Variants in NAA11 observed in about 807,000 individuals in gnomAD.
The protein encoded by NAA11 is N-alpha-acetyltransferase 11, NatA catalytic subunit.
In NAA11, 15 loss-of-function variants were observed where a neutral mutation model predicts 16.1. The ratio of observed to expected loss-of-function variants is 0.93; its 90% CI spans 0.62 to 1.44. The LOEUF is 1.44. NAA11 is among the 40% of genes most tolerant of loss of function. The probability of loss-of-function intolerance (pLI) is 0.00; values close to 1 mark genes in which losing one functional copy is unlikely to be tolerated. For missense variants in NAA11, 298 were observed against 291.3 expected (o/e 1.02, Z -0.17); for synonymous variants, 122 against 112.4 (o/e 1.09, Z -0.54).
the NAA11 span, among the ~76,000 whole-genome samples, chr4:79,216,276 A>G: frequency 6.6e-6 from 1 of 152,200 alleles, no homozygotes; most frequent in South Asian, 2.1e-4. Context: ...TGTTAATATT[A>G]TTATAGTTTA....
intron 2 of NAA11, among the ~76,000 whole-genome samples, chr4:79,291,727 G>A (rs1177620045): frequency 6.6e-6 from 1 of 151,498 alleles, no homozygotes; most frequent in African/African-American, 2.4e-5. Flanking sequence ...TCTCAAAAAA[G>A]AAACAAACAA....
chr4:79,287,660 T>C (rs1379542474), intron 2 of NAA11, among the ~76,000 whole-genome samples: 1 of 151,738 alleles, frequency 6.6e-6, no homozygotes, highest in African/African-American at 2.4e-5. Context: ...ATGACTGGCA[T>C]GTGTGTGTGT....
chr4:79,265,010 G>A (rs1722313332), intron 2 of NAA11, among the ~76,000 whole-genome samples: 1 of 152,140 alleles, frequency 6.6e-6, no homozygotes, highest in African/African-American at 2.4e-5. Context: ...GACTTAAAGT[G>A]TCTAAACTAT....
the NAA11 span, among the ~76,000 whole-genome samples, chr4:79,194,372 A>T: frequency 6.6e-6 from 1 of 152,122 alleles, no homozygotes; most frequent in African/African-American, 2.4e-5. Context: ...AGAAACATAC[A>T]TGTAGTGAAA....
chr4:79,169,390 A>G, the NAA11 span, among the ~76,000 whole-genome samples: 2 of 152,212 alleles, frequency 1.3e-5, no homozygotes, highest in African/African-American at 4.8e-5. Context: ...ACAGCATGGT[A>G]CTGGTACCAA....
At chr4:79,242,128 G>T (rs1217049194) in intron 2 of NAA11, among the ~76,000 whole-genome samples, 1 of 152,166 alleles carries the variant, frequency 6.6e-6, no homozygotes, top group Non-Finnish European at 1.5e-5. Context: ...AGTTTAAGTG[G>T]TAATTCTGTG....
intron 2 of NAA11, among the ~76,000 whole-genome samples, chr4:79,263,286 G>A (rs1340620837): frequency 6.6e-6 from 1 of 152,150 alleles, no homozygotes; most frequent in Non-Finnish European, 1.5e-5. Context: ...ATATTTGCAT[G>A]CATGTGTGGA....
At chr4:79,162,378 A>G in the NAA11 span, among the ~76,000 whole-genome samples, 2 of 152,204 alleles carry the variant, frequency 1.3e-5, no homozygotes, top group African/African-American at 4.8e-5. Flanking sequence ...TAGAATTGTC[A>G]GTGCTTAAAA....
chr4:79,206,021 T>A, the NAA11 span, among the ~76,000 whole-genome samples: 3 of 152,212 alleles, frequency 2.0e-5, no homozygotes, highest in East Asian at 5.8e-4. Flanking sequence ...AGCCTTGTAG[T>A]ATAATTTGAA....
intron 2 of NAA11, among the ~76,000 whole-genome samples, chr4:79,227,049 T>A (rs1721333815): frequency 6.6e-6 from 1 of 152,186 alleles, no homozygotes; most frequent in South Asian, 2.1e-4. Context: ...CCACCAACAG[T>A]GTAAAAGTGT....
chr4:79,292,132 C>A (rs1002201423), intron 2 of NAA11, among the ~76,000 whole-genome samples: 1 of 152,142 alleles, frequency 6.6e-6, no homozygotes, highest in African/African-American at 2.4e-5. Flanking sequence ...GTTGTCAACC[C>A]CTAAGTGTCA....
At chr4:79,158,711 A>ATATATATATATATATATATATATG in the NAA11 span, among the ~76,000 whole-genome samples, 1 of 146,898 alleles carries the variant, frequency 6.8e-6, no homozygotes, top group Admixed American at 6.8e-5. Flanking sequence ...ATATATATAT[A>ATATATATATATATATATATATATG]TATATATATA....
the NAA11 span, among the ~76,000 whole-genome samples, chr4:79,165,515 T>A: frequency 6.6e-6 from 1 of 152,208 alleles, no homozygotes. Context: ...GGAAGTTGTG[T>A]TGACATATGC....
intron 2 of NAA11, among the ~76,000 whole-genome samples, chr4:79,270,265 A>T (rs1478802138): frequency 2.0e-5 from 3 of 151,952 alleles, no homozygotes; most frequent in African/African-American, 7.3e-5. Flanking sequence ...CTTGATGGAG[A>T]TGGCATTGAA....
the NAA11 span, among the ~76,000 whole-genome samples, chr4:79,207,649 C>T: frequency 8.5e-5 from 13 of 152,226 alleles, no homozygotes; most frequent in East Asian, 5.8e-4. Context: ...CAGACTAATA[C>T]ACCTAACATG....
Position 79,325,148 on chromosome 4 carries a change from G to A in NAA11, c.*12+28C>T, listed in dbSNP as rs1270161068. On this transcript the variant is annotated intron_variant, in intron 1 of 1. Coordinates refer to ENST00000286794, the MANE Select transcript of NAA11 (RefSeq NM_032693.3). ...CAGGATGCAGGGATTTAGGAGAAGG[G>A]GGTACTGGGTCAGGGAAGACAGAAT... 2.0e-6 allele frequency: 3 copies of A among 1,526,102 alleles called. No homozygotes were observed. In the African/African-American group the frequency reaches 4.1e-5, roughly 21 times the overall value. 94.5% of individuals were successfully genotyped at this position (1,526,102 alleles called of 1,614,324 possible).
intron 1 of NAA11, among the ~76,000 whole-genome samples, chr4:79,297,801 AG>A (rs1723266275): frequency 6.6e-6 from 1 of 152,128 alleles, no homozygotes; most frequent in African/African-American, 2.4e-5. Flanking sequence ...CAGCAGCAGG[AG>A]GCAGACAGGC....
chr4:79,319,644 G>A (rs1464950028), intron 1 of NAA11, among the ~76,000 whole-genome samples: 1 of 152,180 alleles, frequency 6.6e-6, no homozygotes, highest in East Asian at 1.9e-4. Context: ...TGATTGAAAG[G>A]TGACATTGTT....
Position 79,310,553 on chromosome 4 carries a change from C to T in NAA11, c.*12+14623G>A, listed in dbSNP as rs543655753. Among the ~76,000 whole-genome samples, 169 of 152,274 alleles carry T rather than the reference C, an allele frequency of 1.1e-3. No homozygotes were observed. The Middle Eastern group carries it at 0.014, about 12-fold the overall frequency. ...TACAACAATGCTCGTTTACTTAGCACCTTAATTCCCGCACTTGCTTATAGA... is the reference window on the plus strand; with the variant it reads ...TACAACAATGCTCGTTTACTTAGCATCTTAATTCCCGCACTTGCTTATAGA... On this transcript the variant is annotated intron_variant and NMD_transcript_variant, in intron 1 of 2. Coordinates refer to the NAA11 transcript ENST00000511542.
Sources: gnomAD v4.1 joint callset for allele counts (sites outside exome capture counted in the v4.1 genomes callset) on GRCh38, gnomAD v4.1.1 for gene constraint, MANE v1.5 for transcripts, NCBI Gene and HGNC (gene_info 2026-07-23, HGNC 2026-07-21) for gene names.